The following FBXL17 variants were observed in gnomAD, a reference collection of about 807,000 sequenced individuals.
FBXL17 encodes F-box/LRR-repeat protein 17.
In FBXL17, 22 loss-of-function variants were observed where a neutral mutation model predicts 66.2. That is an observed-to-expected ratio of 0.33 (90% CI 0.24 to 0.47). The LOEUF is 0.47. Ranked by LOEUF, FBXL17 falls within the 20% of genes least tolerant of loss-of-function variation. The probability of loss-of-function intolerance (pLI) is 1.00; values close to 1 mark genes in which losing one functional copy is unlikely to be tolerated. For synonymous variants in FBXL17, 474 were observed against 400.5 expected, an observed-to-expected ratio of 1.18 and a Z score of -2.19; for missense variants, 878 against 948.2, an observed-to-expected ratio of 0.93 and a Z score of 0.97.
At chr5:108,241,032 G>A (rs1755832927) in intron 4 of FBXL17, among the ~76,000 whole-genome samples, 1 of 152,152 alleles carries the variant, frequency 6.6e-6, no homozygotes, top group South Asian at 2.1e-4. Context: ...AGAAGGATGG[G>A]TATGAACAAG....
chr5:108,026,571 G>A (rs1417257004), intron 6 of FBXL17, among the ~76,000 whole-genome samples: 1 of 152,184 alleles, frequency 6.6e-6, no homozygotes, highest in Admixed American at 6.5e-5. Flanking sequence ...ACATGCGAGA[G>A]CATTTGCTCA....
Position 108,282,874 on chromosome 5 carries a change from A to G in FBXL17, c.1507-58646T>C, listed in dbSNP as rs564405459. On this transcript the variant is annotated intron_variant, in intron 4 of 8. Transcript: ENST00000542267. ...CTATATATCAACAATGATCTAACTG[A>G]AAAAGAAATCAAGTTGGCAATCCCT... Among the ~76,000 whole-genome samples the G allele has an allele frequency of 6.4e-4, 97 of 151,790 alleles. 1 individual carries two copies. The highest frequency in any genetic ancestry group is 7.4e-5 in the Non-Finnish European group (5 of 67,694).
At chr5:108,188,466 A>G (rs2150034896) in intron 5 of FBXL17, among the ~76,000 whole-genome samples, 2 of 152,330 alleles carry the variant, frequency 1.3e-5, no homozygotes, top group South Asian at 4.1e-4. Flanking sequence ...CCAGTCTAGT[A>G]TGGGACTCAG....
At chr5:108,027,019 A>T (rs775725678) in intron 6 of FBXL17, among the ~76,000 whole-genome samples, 1 of 152,170 alleles carries the variant, frequency 6.6e-6, no homozygotes. Flanking sequence ...AGTGTCTAAC[A>T]TTAAATAGGT....
chr5:108,265,514 CTG>C (rs1217423492), intron 4 of FBXL17, among the ~76,000 whole-genome samples: 2 of 152,110 alleles, frequency 1.3e-5, no homozygotes, highest in Non-Finnish European at 2.9e-5. Context: ...AACATCCTAT[CTG>C]TGATTTCCAA....
In FBXL17 at chr5:108,380,790, C is replaced by G; in HGVS notation, c.902G>C (p.Arg301Pro). The change falls in exon 1 of 9, where the codon CGG becomes CCG. Residue 301 changes from arginine (R) to proline (P), a missense_variant. Around this residue, in one of 4 missense-constraint regions of FBXL17, gnomAD observed 605 missense variants for 509.5 expected, o/e 1.19. Coordinates refer to ENST00000542267, the MANE Select transcript of FBXL17 (RefSeq NM_001163315.3). ...QQHECGDADC[R>P]ESPENPCDCH... The stretch of plus-strand genomic sequence containing the variant: ...GTCGCAGGGGTTTTCGGGGGACTCC[C>G]GACAGTCCGCGTCGCCACATTCATG... The G allele has an allele frequency of 1.6e-6, 2 of 1,248,124 alleles. No individual in the cohort carries two copies. Among genetic ancestry groups the G allele is most frequent in the Non-Finnish European group, 2.0e-6 (2 of 988,126 alleles). The allele number at this position is 1,248,124 out of a possible 1,614,324, so 77.3% of individuals were successfully genotyped here.
In FBXL17 at chr5:107,925,704, G is replaced by A. The variant is rs899410329; in HGVS notation, c.1823-44525C>T. 2.0e-5 allele frequency among the ~76,000 whole-genome samples: 3 copies of A among 152,164 alleles called. No individual in the cohort carries two copies. The East Asian group carries it at 5.8e-4, about 29-fold the overall frequency. On this transcript the variant is annotated intron_variant, in intron 7 of 8. Coordinates refer to ENST00000542267, the MANE Select transcript of FBXL17 (RefSeq NM_001163315.3). The stretch of plus-strand genomic sequence containing the variant: ...AGCGCCAGTTGTCCACAGTAGTAAT[G>A]TGTTCATTAATGTACTCTCTAATGG...
Position 107,917,622 on chromosome 5 carries a change from C to G in FBXL17, c.1823-36443G>C, listed in dbSNP as rs74480934. On this transcript the variant is annotated intron_variant, in intron 7 of 8. Coordinates refer to ENST00000542267, the MANE Select transcript of FBXL17 (RefSeq NM_001163315.3). ...TCATCTACTATTTAGTCTGTAAACA[C>G]CTGATATGCAAAATTGTATGAAGAA... 1.1e-3 allele frequency among the ~76,000 whole-genome samples: 160 copies of G among 152,282 alleles called. 1 individual carries two copies. The East Asian group carries it at 0.028, about 27-fold the overall frequency.
intron 4 of FBXL17, among the ~76,000 whole-genome samples, chr5:108,335,229 A>AC (rs143667005): frequency 0.01 from 708 of 69,986 alleles, 3 homozygotes; most frequent in African/African-American, 0.025. Context: ...CCACTCCCCC[A>AC]CCCCCCCCCA....
At chr5:107,875,517 C>T (rs1174590402) in intron 8 of FBXL17, among the ~76,000 whole-genome samples, 1 of 152,138 alleles carries the variant, frequency 6.6e-6, no homozygotes, top group Non-Finnish European at 1.5e-5. Flanking sequence ...AAATTGGGCA[C>T]CCAAAACTTG....
At chr5:108,251,471 C>T (rs895625213) in intron 4 of FBXL17, among the ~76,000 whole-genome samples, 8 of 152,024 alleles carry the variant, frequency 5.3e-5, no homozygotes, top group African/African-American at 1.9e-4. Context: ...AATGCTTGTC[C>T]TCTTATCAGA....
chr5:108,185,748 A>G (rs1279757279), intron 6 of FBXL17, among the ~76,000 whole-genome samples: 1 of 152,212 alleles, frequency 6.6e-6, no homozygotes, highest in East Asian at 1.9e-4. Flanking sequence ...TGGTTTCTCC[A>G]AATCATTAAA....
At chr5:108,317,732 T>C (rs1759436988) in intron 4 of FBXL17, among the ~76,000 whole-genome samples, 1 of 151,438 alleles carries the variant, frequency 6.6e-6, no homozygotes, top group Non-Finnish European at 1.5e-5. Context: ...TTACAAATAT[T>C]ATCTTAAAAC....
At chr5:108,288,056 T>C (rs781256995) in intron 4 of FBXL17, among the ~76,000 whole-genome samples, 6 of 151,940 alleles carry the variant, frequency 3.9e-5, no homozygotes, top group Non-Finnish European at 7.4e-5. Context: ...AAGTGGGAGA[T>C]AACCACTGAG....
At chr5:107,907,462 AAC>A (rs1339665637) in intron 7 of FBXL17, among the ~76,000 whole-genome samples, 1 of 152,166 alleles carries the variant, frequency 6.6e-6, no homozygotes, top group Non-Finnish European at 1.5e-5. Flanking sequence ...TCCAAAATGA[AAC>A]AAAACGAGGC....
chr5:107,964,327 G>A (rs1424989457), intron 7 of FBXL17, among the ~76,000 whole-genome samples: 1 of 152,018 alleles, frequency 6.6e-6, no homozygotes, highest in Non-Finnish European at 1.5e-5. Context: ...GCAGTGTATA[G>A]GCAAAGTACA....
chr5:108,150,137 C>T (rs1250488245), intron 6 of FBXL17, among the ~76,000 whole-genome samples: 1 of 152,134 alleles, frequency 6.6e-6, no homozygotes, highest in Non-Finnish European at 1.5e-5. Flanking sequence ...ACATGTTACC[C>T]CTAAGTATTC....
At chr5:108,245,863 A>C (rs1475360349) in intron 4 of FBXL17, among the ~76,000 whole-genome samples, 1 of 152,174 alleles carries the variant, frequency 6.6e-6, no homozygotes, top group African/African-American at 2.4e-5. Context: ...GGTCAAAGGA[A>C]GTTTTGGGGT....
intron 7 of FBXL17, among the ~76,000 whole-genome samples, chr5:107,901,722 A>G (rs1230734559): frequency 6.6e-6 from 1 of 152,150 alleles, no homozygotes; most frequent in East Asian, 1.9e-4. Context: ...CTCAGATGTA[A>G]TAAGTACATT....
Sources: allele counts gnomAD v4.1 joint callset (sites outside exome capture counted in the v4.1 genomes callset), GRCh38; gene constraint gnomAD v4.1.1; regional missense constraint gnomAD v4.1.1; transcripts MANE v1.5; gene names NCBI Gene and HGNC (gene_info 2026-07-23, HGNC 2026-07-21).